The following DDX10 variants were observed in gnomAD, a reference collection of about 807,000 sequenced individuals.
The protein encoded by DDX10 is DEAD-box helicase 10.
In DDX10, 74 loss-of-function variants were observed where a neutral mutation model predicts 104.3. That is an observed-to-expected ratio of 0.71 (90% CI 0.59 to 0.86). The LOEUF is 0.86. Ranked by LOEUF, DDX10 falls within the 40% of genes least tolerant of loss-of-function variation. The pLI, the probability that DDX10 is intolerant of heterozygous loss-of-function variation, is 0.00. For missense variants in DDX10, 952 were observed against 1,040.0 expected (o/e 0.92, Z 1.16); for synonymous variants, 351 against 353.4 (o/e 0.99, Z 0.08).
At chr11:108,739,835 C>T (rs2094322981) in intron 13 of DDX10, among the ~76,000 whole-genome samples, 2 of 152,046 alleles carry the variant, frequency 1.3e-5, no homozygotes, top group African/African-American at 4.8e-5. Context: ...ATTAATCCAC[C>T]CGTCATCCCT....
chr11:108,882,765 T>C (rs1863244583), intron 16 of DDX10, among the ~76,000 whole-genome samples: 1 of 152,208 alleles, frequency 6.6e-6, no homozygotes. Context: ...AGAAGTGCGT[T>C]TCAGTAATGT....
intron 17 of DDX10, among the ~76,000 whole-genome samples, chr11:108,927,187 G>A (rs901156074): frequency 5.9e-5 from 9 of 152,196 alleles, no homozygotes; most frequent in African/African-American, 1.7e-4. Context: ...TTGAAAAGCT[G>A]CTCAGACAGT....
intron 6 of DDX10, among the ~76,000 whole-genome samples, chr11:108,685,249 A>G (rs2094241897): frequency 6.6e-6 from 1 of 151,244 alleles, no homozygotes; most frequent in South Asian, 2.1e-4. Context: ...CCGTTTCTTA[A>G]GCCGGTCTGA....
chr11:108,767,865 C>T (rs1248545093), intron 13 of DDX10: 3 of 152,450 alleles, frequency 2.0e-5, no homozygotes, highest in African/African-American at 4.8e-5. Context: ...CCTCCCTTTG[C>T]ACCTCCTCCA....
intron 9 of DDX10, among the ~76,000 whole-genome samples, chr11:108,706,197 C>G (rs1317810718): frequency 6.6e-6 from 1 of 152,096 alleles, no homozygotes; most frequent in Non-Finnish European, 1.5e-5. Flanking sequence ...ATCTCAAACT[C>G]CTGACCTCGG....
rs139461458 is a variant in DDX10 at position 108,775,134 on chromosome 11, C to G, written c.1965+51672C>G. Among the ~76,000 whole-genome samples the G allele has an allele frequency of 4.2e-4, 64 of 152,222 alleles. 1 individual carries two copies. The highest frequency in any genetic ancestry group is 1.5e-3 in the African/African-American group (62 of 41,516). On this transcript the variant is annotated intron_variant, in intron 13 of 17. Coordinates refer to ENST00000322536, the MANE Select transcript of DDX10 (RefSeq NM_004398.4). ...TTGGTATTGCCAAATGCATCCTATT[C>G]TGAAAGAAGTGAAATAAATGTGAAA...
chr11:108,922,300 A>G (rs1299953440), intron 17 of DDX10: 2 of 152,240 alleles, frequency 1.3e-5, no homozygotes, highest in Non-Finnish European at 2.9e-5. Flanking sequence ...CGAAGAAAGC[A>G]AAGAAAGCAC....
intron 16 of DDX10, among the ~76,000 whole-genome samples, chr11:108,890,133 G>A (rs1356699584): frequency 2.6e-5 from 4 of 152,152 alleles, no homozygotes. Context: ...ACTATTCTGA[G>A]TATTTGGTAG....
intron 13 of DDX10, among the ~76,000 whole-genome samples, chr11:108,808,116 G>A (rs911027845): frequency 3.3e-5 from 5 of 152,220 alleles, no homozygotes; most frequent in Non-Finnish European, 5.9e-5. Flanking sequence ...TTGAGTGAGT[G>A]AGGGGAGAAA....
chr11:108,716,423 A>C (rs1253722470), intron 11 of DDX10, among the ~76,000 whole-genome samples: 1 of 152,148 alleles, frequency 6.6e-6, no homozygotes, highest in Non-Finnish European at 1.5e-5. Flanking sequence ...TAAAATTTTG[A>C]AAAATATTTT....
intron 13 of DDX10, among the ~76,000 whole-genome samples, chr11:108,746,196 C>A (rs1424204091): frequency 6.6e-6 from 1 of 152,040 alleles, no homozygotes; most frequent in East Asian, 1.9e-4. Context: ...TTGTTTTCTT[C>A]CATTTCCTTC....
chr11:108,806,531 C>T (rs913596598), intron 13 of DDX10, among the ~76,000 whole-genome samples: 2 of 152,130 alleles, frequency 1.3e-5, no homozygotes, highest in African/African-American at 4.8e-5. Flanking sequence ...GTCATCAAGG[C>T]CATGTTAGCT....
intron 13 of DDX10, among the ~76,000 whole-genome samples, chr11:108,832,762 T>C (rs1862490006): frequency 6.6e-6 from 1 of 152,238 alleles, no homozygotes; most frequent in Non-Finnish European, 1.5e-5. Context: ...AATTTAACTA[T>C]ACATACTCTT....
intron 16 of DDX10, among the ~76,000 whole-genome samples, chr11:108,891,371 G>C (rs1565310544): frequency 6.6e-6 from 1 of 152,102 alleles, no homozygotes; most frequent in African/African-American, 2.4e-5. Context: ...CAGGGCTGAG[G>C]TTATAACCTA....
At chr11:108,815,338 A>C (rs1012957410) in intron 13 of DDX10, among the ~76,000 whole-genome samples, 1 of 151,920 alleles carries the variant, frequency 6.6e-6, no homozygotes, top group Admixed American at 6.6e-5. Flanking sequence ...CTGTCAAGTG[A>C]GTAAATACAG....
At chr11:108,765,792 CTG>C (rs2094355749) in intron 13 of DDX10, among the ~76,000 whole-genome samples, 1 of 152,192 alleles carries the variant, frequency 6.6e-6, no homozygotes, top group South Asian at 2.1e-4. Flanking sequence ...TAGTTCCTCA[CTG>C]TGTGTTTTGC....
At chr11:108,831,443 A>C (rs919549966) in intron 13 of DDX10, among the ~76,000 whole-genome samples, 2 of 151,054 alleles carry the variant, frequency 1.3e-5, no homozygotes, top group Non-Finnish European at 3.0e-5. Context: ...AAAAAAAAAA[A>C]AAGAAATGCT....
intron 12 of DDX10, among the ~76,000 whole-genome samples, chr11:108,722,470 C>A (rs909903924): frequency 6.6e-6 from 1 of 151,994 alleles, no homozygotes; most frequent in African/African-American, 2.4e-5. Context: ...ATGATTGTGC[C>A]ATATTCTCTT....
At chr11:108,842,431 T>C (rs1250216402) in intron 15 of DDX10, among the ~76,000 whole-genome samples, 1 of 152,174 alleles carries the variant, frequency 6.6e-6, no homozygotes, top group African/African-American at 2.4e-5. Context: ...CTGAGAAGGA[T>C]TCTTAGAGCT....
Sources: allele counts gnomAD v4.1 joint callset (sites outside exome capture counted in the v4.1 genomes callset), GRCh38; gene constraint gnomAD v4.1.1; transcripts MANE v1.5; gene names NCBI Gene and HGNC (gene_info 2026-07-23, HGNC 2026-07-21).